Variants in NOTCH3 observed in about 807,000 individuals in gnomAD.
The protein encoded by NOTCH3 is notch receptor 3.
NOTCH3 carries 86 observed loss-of-function variants against 213.3 expected under a neutral mutation model. The ratio of observed to expected loss-of-function variants is 0.40; its 90% CI spans 0.34 to 0.48. The LOEUF (loss-of-function observed/expected upper bound fraction) is 0.48. Among genes scored for constraint, NOTCH3 ranks in the 20% least tolerant of loss-of-function variants. The pLI is 0.57. For synonymous variants in NOTCH3, 1,354 were observed against 1,355.9 expected, an observed-to-expected ratio of 1.00 and a Z score of 0.03; for missense variants, 2,783 against 3,272.6, an observed-to-expected ratio of 0.85 and a Z score of 3.65.
intron 2 of NOTCH3, among the ~76,000 whole-genome samples, chr19:15,196,955 C>T (rs749295920): frequency 2.0e-4 from 31 of 152,246 alleles, no homozygotes; most frequent in African/African-American, 6.0e-4. Context: ...CCTTCACAGT[C>T]GCCAGTGAAG....
At position 15,185,783 on chromosome 19, in the gene NOTCH3, C is replaced by T; in HGVS notation, c.1952-104G>A. Reference sequence around the variant, plus strand: ...GCACACCCACACCCCCGAGCAATGACCTCTTTTTCATAACGCATCAGCTCT... The same window carrying T: ...GCACACCCACACCCCCGAGCAATGATCTCTTTTTCATAACGCATCAGCTCT... On this transcript the variant is annotated intron_variant, in intron 12 of 32. Coordinates refer to ENST00000263388, the MANE Select transcript of NOTCH3 (RefSeq NM_000435.3). The surrounding 1 kb of genome is among the most constrained non-coding windows in gnomAD (Gnocchi z 4.2). 9.0e-7 allele frequency: 1 copy of T among 1,111,814 alleles called. No homozygotes were observed. Among genetic ancestry groups the T allele is most frequent in the Non-Finnish European group, 1.3e-6 (1 of 749,594 alleles). 68.9% of individuals were successfully genotyped at this position (1,111,814 alleles called of 1,614,324 possible).
intron 28 of NOTCH3, among the ~76,000 whole-genome samples, chr19:15,169,210 CTCTCTCTCTCTCTCTCTCT>C (rs2046710420): frequency 6.6e-6 from 1 of 150,732 alleles, no homozygotes; most frequent in Non-Finnish European, 1.5e-5. Context: ...CTCTCTCTCT[CTCTCTCTCTCTCTCTCTCT>C]CCCCTCTGTG....
chr19:15,182,040 C>A (rs2046846066), intron 16 of NOTCH3, among the ~76,000 whole-genome samples: 1 of 152,224 alleles, frequency 6.6e-6, no homozygotes, highest in Non-Finnish European at 1.5e-5. Context: ...TCCCTTTAAG[C>A]TGCCAAGCAA....
chr19:15,188,961 A>C lies in NOTCH3; in HGVS notation c.1378+28T>G, dbSNP rs746697841. 1.8e-5 allele frequency: 29 copies of C among 1,598,216 alleles called. No individual in the cohort carries two copies. In the East Asian group the frequency reaches 6.6e-4, roughly 36 times the overall value. On this transcript the variant is annotated intron_variant, in intron 8 of 32. Coordinates refer to ENST00000263388, the MANE Select transcript of NOTCH3 (RefSeq NM_000435.3). The stretch of plus-strand genomic sequence containing the variant: ...CTCTGTCCCCGCCCCCTGCCTCAGG[A>C]CCCGCCCAGGCCACGCCCACCACCC...
intron 24 of NOTCH3, among the ~76,000 whole-genome samples, chr19:15,175,681 G>A (rs925936239): frequency 1.3e-5 from 2 of 150,590 alleles, no homozygotes; most frequent in African/African-American, 4.9e-5. Context: ...AGGAAGGGCT[G>A]GGGGTGACCA....
At chr19:15,180,336 A>C in intron 19 of NOTCH3, 80 bp from the exon 20 acceptor site, 1 of 1,470,904 alleles carries the variant, frequency 6.8e-7, no homozygotes, top group Non-Finnish European at 9.4e-7. Context: ...ATCATTCAAC[A>C]TCCTTGGTGG....
chr19:15,186,767 G>T, intron 12 of NOTCH3, 111 bp downstream of exon 12: 1 of 886,844 alleles, frequency 1.1e-6, no homozygotes, highest in Non-Finnish European at 1.9e-6. Flanking sequence ...GCAAAGCACG[G>T]ACAACCTCGT....
chr19:15,185,699 T>C lies in NOTCH3; in HGVS notation c.1952-20A>G. ...GGGGCCCTGGGGAGTACACAAGCAA[T>C]CTCATCTCAGAACAAAGTCAGCAGG... On this transcript the variant is annotated intron_variant, in intron 12 of 32. Coordinates refer to ENST00000263388, the MANE Select transcript of NOTCH3 (RefSeq NM_000435.3). This position sits in a 1 kb window ranked among gnomAD's most constrained non-coding sequence, Gnocchi z 4.2. 1 of 1,611,576 alleles carries C rather than the reference T, an allele frequency of 6.2e-7. No individual in the cohort carries two copies. Among genetic ancestry groups the C allele is most frequent in the Non-Finnish European group, 8.5e-7 (1 of 1,179,756 alleles).
In NOTCH3 at chr19:15,170,546, C is replaced by T. The variant is rs200797732; in HGVS notation, c.4899G>A (p.Pro1633=). The T allele has an allele frequency of 8.1e-5, 130 of 1,608,784 alleles. 1 individual carries two copies. The Admixed American group carries it at 1.3e-3, about 15-fold the overall frequency. ...PYPLRDVRGE[P]LEPPEPSVPL... ...GGACGCTGGGTTCTGGAGGCTCCAG[C>T]GGCTCCCCTAAGAGCAGGAAGCAGA... Residue 1633 remains proline (P), a synonymous_variant, in exon 27 of 33, where the codon CCG becomes CCA. Coordinates refer to ENST00000263388, the MANE Select transcript of NOTCH3 (RefSeq NM_000435.3).
chr19:15,190,610 C>T (rs958331333), intron 6 of NOTCH3, among the ~76,000 whole-genome samples: 11 of 152,130 alleles, frequency 7.2e-5, no homozygotes, highest in African/African-American at 1.9e-4. Flanking sequence ...TTGTTATACA[C>T]GGTCTTACAC....
At chr19:15,167,863 G>C (rs10416389) in intron 28 of NOTCH3, among the ~76,000 whole-genome samples, 136,123 of 150,996 alleles carry the variant, frequency 0.9, 61,667 homozygotes, top group African/African-American at 0.98. Context: ...GCCCAAGGAG[G>C]TAATAAAAGG....
chr19:15,187,779 G>C, intron 10 of NOTCH3, 102 bp downstream of exon 10: 1 of 935,862 alleles, frequency 1.1e-6, no homozygotes, highest in East Asian at 2.6e-5. Context: ...GTCCTGCCTT[G>C]CTACAACCCC....
At position 15,197,539 on chromosome 19, in the gene NOTCH3, C is replaced by A; in HGVS notation, c.158G>T (p.Gly53Val). The A allele has an allele frequency of 6.2e-7, 1 of 1,611,004 alleles. No individual in the cohort carries two copies. Among genetic ancestry groups the A allele is most frequent in the Non-Finnish European group, 8.5e-7 (1 of 1,179,682 alleles). Residue 53 changes from glycine to valine, a missense_variant, in exon 2 of 33, where the codon GGT becomes GTT. By Grantham distance (109) the Gly-to-Val change is moderately radical. Coordinates refer to ENST00000263388, the MANE Select transcript of NOTCH3 (RefSeq NM_000435.3). ...CCGGGAGGGCAGCTGGGTGCAACGACCTCCATTTGCACACGGGCTTCCGTC... is the reference window on the plus strand; with the variant it reads ...CCGGGAGGGCAGCTGGGTGCAACGAACTCCATTTGCACACGGGCTTCCGTC... ...CLDGSPCANGGRCTQLPSREA... is the reference protein window; with the variant it reads ...CLDGSPCANGVRCTQLPSREA...
Position 15,178,089 on chromosome 19 carries a change from G to T in NOTCH3, c.3839C>A (p.Pro1280Gln). The T allele has an allele frequency of 6.6e-7, 1 of 1,518,352 alleles. No individual in the cohort carries two copies. The highest frequency in any genetic ancestry group is 1.2e-5 in the South Asian group (1 of 83,256). The allele number at this position is 1,518,352 out of a possible 1,614,324, so 94.1% of individuals were successfully genotyped here. A position where few individuals can be genotyped will look rare whatever the true frequency, so the allele number is the denominator to read the frequency against. Residue 1280 changes from proline (P) to glutamine (Q), a missense_variant and splice_region_variant, in exon 24 of 33, where the codon CCG becomes CAG. Physicochemically the swap from Pro to Gln is moderately conservative, Grantham distance 76. Transcript: ENST00000263388. Reference protein sequence around the residue: ...GLTFTCHCAQPFWGPRCERVA... With the variant: ...GLTFTCHCAQQFWGPRCERVA... ...CCGCTCGCAACGCGGACCCCAGAAC[G>T]GCTGGGGGTCGGGTTTGGGGAGGGA...
At chr19:15,186,830 C>T (rs753981763) in intron 12 of NOTCH3, 48 bp downstream of exon 12, 1 of 1,475,260 alleles carries the variant, frequency 6.8e-7, no homozygotes, top group East Asian at 2.3e-5. Context: ...AGACGAGTGA[C>T]TTCACCCTCG....
intron 31 of NOTCH3, among the ~76,000 whole-genome samples, chr19:15,164,242 TTGTTTTTA>T (rs1279052333): frequency 6.6e-6 from 1 of 151,772 alleles, no homozygotes; most frequent in African/African-American, 2.4e-5. Flanking sequence ...TTTTTGTTTT[TTGTTTTTA>T]AAAAAAAGGA....
intron 6 of NOTCH3, among the ~76,000 whole-genome samples, chr19:15,190,564 G>T (rs2145438652): frequency 6.6e-6 from 1 of 152,164 alleles, no homozygotes; most frequent in Admixed American, 6.5e-5. Flanking sequence ...CCCCACTAAA[G>T]CTGCCTCCAG....
At chr19:15,181,537 AGCCAGAGTCCCT>A (rs1322444281) in intron 17 of NOTCH3, 27 bp downstream of exon 17, 1 of 1,523,170 alleles carries the variant, frequency 6.6e-7, no homozygotes, top group Admixed American at 2.0e-5. Flanking sequence ...CCCCATCCCA[AGCCAGAGTCCCT>A]GCTCTCCAAG....
chr19:15,180,354 C>A, intron 19 of NOTCH3, 98 bp from the exon 20 acceptor site: 2 of 1,354,660 alleles, frequency 1.5e-6, no homozygotes, highest in Non-Finnish European at 2.1e-6. Context: ...TGGAATGAGT[C>A]CCCAGGATCG....
Sources: gnomAD v4.1 joint callset for allele counts (sites outside exome capture counted in the v4.1 genomes callset) on GRCh38, gnomAD v4.1.1 for gene constraint, Gnocchi (gnomAD v3.1) non-coding constraint, MANE v1.5 for transcripts, NCBI Gene and HGNC (gene_info 2026-07-23, HGNC 2026-07-21) for gene names.